The following TRAK1 variants were observed in gnomAD, a reference collection of about 807,000 sequenced individuals.
TRAK1 encodes trafficking kinesin protein 1.
A neutral mutation model predicts 92.1 loss-of-function variants in TRAK1; 33 were observed. That is an observed-to-expected ratio of 0.36 (90% CI 0.27 to 0.48). The LOEUF is 0.48. TRAK1 is among the 20% of genes least tolerant of loss of function. TRAK1 has a pLI of 0.99. For missense variants in TRAK1, 1,123 were observed against 1,257.9 expected (o/e 0.89, Z 1.62); for synonymous variants, 521 against 517.3 (o/e 1.01, Z -0.10).
intron 6 of TRAK1, among the ~76,000 whole-genome samples, chr3:42,189,632 G>C (rs989995659): frequency 6.6e-6 from 1 of 152,088 alleles, no homozygotes; most frequent in Non-Finnish European, 1.5e-5. Flanking sequence ...CCAGGTTCAA[G>C]CTATTCTCCT....
chr3:42,186,591 G>A (rs1704890855), intron 4 of TRAK1, among the ~76,000 whole-genome samples: 1 of 152,178 alleles, frequency 6.6e-6, no homozygotes, highest in Non-Finnish European at 1.5e-5. Context: ...AGGCATGCTG[G>A]GTCAGCCTGG....
At chr3:42,136,831 T>C (rs1471513466) in intron 2 of TRAK1, among the ~76,000 whole-genome samples, 1 of 151,996 alleles carries the variant, frequency 6.6e-6, no homozygotes, top group Non-Finnish European at 1.5e-5. Flanking sequence ...TACAGGCACA[T>C]GACACCACAC....
chr3:42,123,852 T>C (rs908228743), intron 1 of TRAK1, among the ~76,000 whole-genome samples: 2 of 152,164 alleles, frequency 1.3e-5, no homozygotes, highest in African/African-American at 4.8e-5. Flanking sequence ...TTGATAAGAA[T>C]TGACTTCAGG....
chr3:42,117,050 CTT>C (rs1330622271), intron 1 of TRAK1, among the ~76,000 whole-genome samples: 1 of 152,104 alleles, frequency 6.6e-6, no homozygotes, highest in Non-Finnish European at 1.5e-5. Flanking sequence ...TCCCTGGTCT[CTT>C]GGGTGGAGTC....
At chr3:42,054,327 T>G (rs536959790) in intron 1 of TRAK1, among the ~76,000 whole-genome samples, 1 of 152,300 alleles carries the variant, frequency 6.6e-6, no homozygotes, top group Non-Finnish European at 1.5e-5. Context: ...CTGCTGTCCT[T>G]CCTCATCTGG....
chr3:42,070,162 T>C (rs1703858136), intron 1 of TRAK1, among the ~76,000 whole-genome samples: 1 of 151,736 alleles, frequency 6.6e-6, no homozygotes, highest in Non-Finnish European at 1.5e-5. Flanking sequence ...GGAATTGCTT[T>C]TGATTCATGT....
At chr3:42,141,284 A>G (rs920362369) in intron 2 of TRAK1, among the ~76,000 whole-genome samples, 3 of 152,204 alleles carry the variant, frequency 2.0e-5, no homozygotes, top group Non-Finnish European at 4.4e-5. Flanking sequence ...GACCAAATCT[A>G]TTAGATTCTC....
At chr3:42,097,084 T>C (rs911706262) in intron 1 of TRAK1, among the ~76,000 whole-genome samples, 4 of 152,214 alleles carry the variant, frequency 2.6e-5, no homozygotes, top group African/African-American at 9.6e-5. Flanking sequence ...CGGGAACATA[T>C]ACTAAACATA....
At position 42,070,123 on chromosome 3, in the gene TRAK1, T is replaced by C. The variant is rs367775532; in HGVS notation, c.-518-16981T>C. On this transcript the variant is annotated intron_variant, in intron 1 of 16. Transcript: ENST00000487159. ...CGCCTTGGCCCCACAAAGGCCGGGA[T>C]TACAGGTTTAATCCACTGTGCCCAG... is the stretch of plus-strand genomic sequence containing the variant. 2.6e-5 allele frequency among the ~76,000 whole-genome samples: 4 copies of C among 152,050 alleles called. No homozygotes were observed. In the East Asian group the frequency reaches 5.8e-4, roughly 22 times the overall value.
At chr3:42,100,938 G>T (rs562746006) in intron 1 of TRAK1, among the ~76,000 whole-genome samples, 3 of 152,230 alleles carry the variant, frequency 2.0e-5, no homozygotes, top group Non-Finnish European at 4.4e-5. Flanking sequence ...AAAGTGCTGG[G>T]ATTACAGGCG....
intron 1 of TRAK1, among the ~76,000 whole-genome samples, chr3:42,112,735 C>CAAAAAA (rs774716012): frequency 3.7e-5 from 2 of 54,686 alleles, no homozygotes; most frequent in Non-Finnish European, 4.4e-5. Context: ...GACTCTGTCT[C>CAAAAAA]AAAAAAAAAA....
chr3:42,073,092 A>G (rs968538330), intron 1 of TRAK1, among the ~76,000 whole-genome samples: 4 of 152,240 alleles, frequency 2.6e-5, no homozygotes, highest in African/African-American at 9.6e-5. Flanking sequence ...CAGTCCACAT[A>G]CAAGTCTGCC....
At chr3:42,163,297 A>G (rs1269132013) in intron 2 of TRAK1, among the ~76,000 whole-genome samples, 1 of 152,162 alleles carries the variant, frequency 6.6e-6, no homozygotes, top group Non-Finnish European at 1.5e-5. Context: ...GAGGCCAGGC[A>G]TGGTGGCTCA....
intron 1 of TRAK1, among the ~76,000 whole-genome samples, chr3:42,097,686 G>A (rs1309376253): frequency 6.6e-6 from 1 of 152,184 alleles, no homozygotes; most frequent in Non-Finnish European, 1.5e-5. Flanking sequence ...CATCCCTCAT[G>A]TAGCACATCA....
chr3:42,049,883 C>G (rs1221941105), intron 1 of TRAK1, among the ~76,000 whole-genome samples: 3 of 152,074 alleles, frequency 2.0e-5, no homozygotes, highest in Non-Finnish European at 2.9e-5. Flanking sequence ...TCTCTGTTTC[C>G]TGGCTTCTTT....
chr3:42,215,252 T>C (rs901748636), intron 14 of TRAK1, among the ~76,000 whole-genome samples: 1 of 152,224 alleles, frequency 6.6e-6, no homozygotes, highest in African/African-American at 2.4e-5. Flanking sequence ...CTTCCCTATC[T>C]GTTTAATGGA....
chr3:42,181,889 C>T (rs1018688204), intron 3 of TRAK1, among the ~76,000 whole-genome samples: 3 of 152,046 alleles, frequency 2.0e-5, no homozygotes, highest in African/African-American at 7.2e-5. Flanking sequence ...TGAATCCTTT[C>T]CTCTAGGTAC....
rs1577087872 is a variant in TRAK1, at chr3:42,225,055, C to T, written c.*1318C>T. 4 of 152,110 alleles carry T rather than the reference C, an allele frequency of 2.6e-5. No homozygotes were observed. Among genetic ancestry groups the T allele is most frequent in the East Asian group, 1.9e-4 (1 of 5,190 alleles). 9.4% of individuals were successfully genotyped at this position (152,110 alleles called of 1,614,324 possible). On this transcript the variant is annotated 3_prime_UTR_variant, in exon 16 of 16. Coordinates refer to ENST00000327628, the MANE Select transcript of TRAK1 (RefSeq NM_001042646.3). ...GGGAGGCTGGTCCTGTTGCTGTCGC[C>T]GATTAAGTTTTAAACTTTTATTTAT...
At chr3:42,054,230 TAATC>T (rs1335903999) in intron 1 of TRAK1, among the ~76,000 whole-genome samples, 1 of 152,354 alleles carries the variant, frequency 6.6e-6, no homozygotes, top group South Asian at 2.1e-4. Context: ...TTTGTCAACA[TAATC>T]AATAAATACT....
Sources: allele counts gnomAD v4.1 joint callset (sites outside exome capture counted in the v4.1 genomes callset), GRCh38; gene constraint gnomAD v4.1.1; transcripts MANE v1.5; gene names NCBI Gene and HGNC (gene_info 2026-07-23, HGNC 2026-07-21).